Variants in FSIP1 observed in about 807,000 individuals in gnomAD.
FSIP1 encodes the protein fibrous sheath-interacting protein 1.
Under a neutral mutation model 60.9 loss-of-function variants are expected in FSIP1, and 65 were observed. The ratio of observed to expected loss-of-function variants is 1.07; its 90% confidence interval spans 0.87 to 1.31. FSIP1 has a LOEUF of 1.31. Ranked by LOEUF, FSIP1 falls within the 40% of genes most tolerant of loss-of-function variation. The probability of loss-of-function intolerance (pLI) is 0.00; values close to 1 mark genes in which losing one functional copy is unlikely to be tolerated. For missense variants in FSIP1, 675 were observed against 665.5 expected (o/e 1.01, Z -0.16); for synonymous variants, 209 against 221.2 (o/e 0.94, Z 0.49).
rs543982066 is a variant in FSIP1 at position 39,607,616 on chromosome 15, T to C, written c.1700-6690A>G. The stretch of plus-strand genomic sequence containing the variant: ...CATTGAAAATTTTTAATACAACTGA[T>C]AGGCAAATCCTTATTTTTCAATACC... On this transcript the variant is annotated intron_variant, in intron 11 of 11. Coordinates refer to ENST00000350221, the MANE Select transcript of FSIP1 (RefSeq NM_152597.5). Among the ~76,000 whole-genome samples the C allele has an allele frequency of 1.8e-4, 27 of 152,368 alleles. 1 individual carries two copies. Among genetic ancestry groups the C allele is most frequent in the Admixed American group, 7.2e-4 (11 of 15,306 alleles).
intron 11 of FSIP1, among the ~76,000 whole-genome samples, chr15:39,605,129 C>CA (rs1424187548): frequency 7.9e-5 from 12 of 152,154 alleles, no homozygotes; most frequent in African/African-American, 2.9e-4. Flanking sequence ...ATATAGTCGT[C>CA]ATTATTAGTA....
At chr15:39,750,184 ATAC>A (rs564853044) in intron 5 of FSIP1, among the ~76,000 whole-genome samples, 174 of 152,144 alleles carry the variant, frequency 1.1e-3, no homozygotes, top group African/African-American at 3.9e-3. Context: ...AAATGGAAAG[ATAC>A]TCCGTGCTCA....
intron 10 of FSIP1, among the ~76,000 whole-genome samples, chr15:39,676,383 T>A (rs1366491909): frequency 6.6e-6 from 1 of 152,072 alleles, no homozygotes; most frequent in East Asian, 1.9e-4. Flanking sequence ...TAAAGATAAT[T>A]TTTGGGCCCA....
chr15:39,751,196 G>A (rs562156965), intron 5 of FSIP1, among the ~76,000 whole-genome samples: 4 of 151,898 alleles, frequency 2.6e-5, no homozygotes, highest in African/African-American at 9.6e-5. Flanking sequence ...GAGCCATTAT[G>A]GAAACCAATA....
intron 2 of FSIP1, among the ~76,000 whole-genome samples, chr15:39,773,621 C>T (rs1223101817): frequency 2.6e-5 from 4 of 152,196 alleles, no homozygotes; most frequent in Admixed American, 1.3e-4. Flanking sequence ...TAATTCTATG[C>T]TACTCTAAAA....
chr15:39,674,216 A>G (rs563061823), intron 10 of FSIP1, among the ~76,000 whole-genome samples: 5 of 152,044 alleles, frequency 3.3e-5, no homozygotes, highest in Non-Finnish European at 5.9e-5. Context: ...CACCACACCC[A>G]GCTAATTTTT....
At chr15:39,699,744 G>T (rs1157408719) in intron 10 of FSIP1, among the ~76,000 whole-genome samples, 1 of 152,146 alleles carries the variant, frequency 6.6e-6, no homozygotes, top group Admixed American at 6.5e-5. Flanking sequence ...CCACACTCCT[G>T]TCACCCATCT....
At chr15:39,660,131 T>A (rs954220807) in intron 10 of FSIP1, among the ~76,000 whole-genome samples, 1 of 152,164 alleles carries the variant, frequency 6.6e-6, no homozygotes, top group African/African-American at 2.4e-5. Context: ...GGGCCTGTAT[T>A]TCTGCCTTGA....
intron 10 of FSIP1, among the ~76,000 whole-genome samples, chr15:39,645,338 C>T (rs1183931719): frequency 6.6e-6 from 1 of 152,180 alleles, no homozygotes; most frequent in Non-Finnish European, 1.5e-5. Flanking sequence ...CCAGTGGGAG[C>T]CCTGCCTCTT....
Position 39,739,679 on chromosome 15 carries a change from T to C in FSIP1, c.766A>G (p.Lys256Glu). The C allele has an allele frequency of 3.8e-6, 6 of 1,594,712 alleles. No individual in the cohort carries two copies. Among genetic ancestry groups the C allele is most frequent in the Non-Finnish European group, 5.1e-6 (6 of 1,175,852 alleles). The change falls in exon 7 of 12, where the codon AAG (lysine) becomes GAG (glutamate). Residue 256 changes from lysine (K) to glutamate (E), a missense_variant. Lys to Glu is a moderately conservative substitution (Grantham distance 56, BLOSUM62 1). Coordinates refer to ENST00000350221, the MANE Select transcript of FSIP1 (RefSeq NM_152597.5). ...LRGKHNQDFIKRNIELAKESR... is the reference protein window; with the variant it reads ...LRGKHNQDFIERNIELAKESR... Reference sequence around the variant, plus strand: ...TAAGTACATACCTCAATGTTTCTCTTAATAAAATCCTGGTTGTGTTTACCC... The same window carrying C: ...TAAGTACATACCTCAATGTTTCTCTCAATAAAATCCTGGTTGTGTTTACCC...
At chr15:39,705,613 G>A (rs1427954881) in intron 10 of FSIP1, among the ~76,000 whole-genome samples, 4 of 151,878 alleles carry the variant, frequency 2.6e-5, no homozygotes, top group African/African-American at 7.3e-5. Flanking sequence ...GTATATATGC[G>A]CCAATATACG....
chr15:39,599,515 A>ACCCCC (rs1890564161), downstream of FSIP1: 1 of 115,764 alleles, frequency 8.6e-6, no homozygotes, highest in African/African-American at 3.3e-5. Flanking sequence ...TTTCCTTCCT[A>ACCCCC]CCCTCCCCTC....
At chr15:39,678,146 A>G (rs1021842520) in intron 10 of FSIP1, among the ~76,000 whole-genome samples, 11 of 152,066 alleles carry the variant, frequency 7.2e-5, no homozygotes, top group African/African-American at 2.7e-4. Context: ...TATCTGTAGG[A>G]AAAAAAGTGT....
intron 10 of FSIP1, among the ~76,000 whole-genome samples, chr15:39,689,747 A>C (rs1027769435): frequency 1.3e-5 from 2 of 152,252 alleles, no homozygotes; most frequent in African/African-American, 4.8e-5. Context: ...TGTATTTATA[A>C]TAATAGTAAG....
At chr15:39,633,925 G>A (rs937992010) in intron 10 of FSIP1, among the ~76,000 whole-genome samples, 11 of 152,236 alleles carry the variant, frequency 7.2e-5, no homozygotes, top group African/African-American at 2.6e-4. Flanking sequence ...GATTCTCACA[G>A]CCTCCAAATT....
At chr15:39,726,924 A>C (rs1896222946) in intron 8 of FSIP1, among the ~76,000 whole-genome samples, 177 bp from the exon 9 acceptor site, 1 of 152,180 alleles carries the variant, frequency 6.6e-6, no homozygotes, top group Non-Finnish European at 1.5e-5. Flanking sequence ...AATATGAAAT[A>C]GTTTCTGGTT....
intron 10 of FSIP1, among the ~76,000 whole-genome samples, chr15:39,709,670 G>A (rs924544102): frequency 3.3e-5 from 5 of 152,098 alleles, no homozygotes; most frequent in Admixed American, 6.5e-5. Context: ...GAGGGGTGGG[G>A]GAGGGGTATG....
intron 10 of FSIP1, among the ~76,000 whole-genome samples, chr15:39,657,498 C>T (rs1355683932): frequency 3.9e-5 from 6 of 152,108 alleles, no homozygotes; most frequent in African/African-American, 1.4e-4. Context: ...TTGATTTTTC[C>T]GTTTCTTCTG....
At chr15:39,634,652 T>C (rs1018931104) in intron 10 of FSIP1, among the ~76,000 whole-genome samples, 2 of 152,262 alleles carry the variant, frequency 1.3e-5, no homozygotes, top group African/African-American at 4.8e-5. Context: ...TTCTTCATTG[T>C]CTTCACCACA....
Sources: gnomAD v4.1 joint callset for allele counts (sites outside exome capture counted in the v4.1 genomes callset) on GRCh38, gnomAD v4.1.1 for gene constraint, MANE v1.5 for transcripts, NCBI Gene and HGNC (gene_info 2026-07-23, HGNC 2026-07-21) for gene names.